Variants in RHEX observed in about 807,000 individuals in gnomAD.
RHEX encodes regulator of hemoglobinization and erythroid cell expansion.
Under a neutral mutation model 20.1 loss-of-function variants are expected in RHEX, and 18 were observed. The observed-to-expected ratio is 0.90, with a 90% confidence interval of 0.62 to 1.33. The LOEUF (loss-of-function observed/expected upper bound fraction) is 1.33. Among genes scored for constraint, RHEX ranks in the 40% most tolerant of loss-of-function variants. The probability of loss-of-function intolerance (pLI) is 0.00; values close to 1 mark genes in which losing one functional copy is unlikely to be tolerated. For synonymous variants in RHEX, 87 were observed against 77.1 expected (o/e 1.13, Z -0.67); for missense variants, 192 against 214.3 (o/e 0.90, Z 0.65).
chr1:206,059,207 C>T (rs1193480853), intron 1 of RHEX, among the ~76,000 whole-genome samples: 1 of 152,088 alleles, frequency 6.6e-6, no homozygotes, highest in African/African-American at 2.4e-5. Flanking sequence ...TCATGACTGG[C>T]ACCATGGGCA....
chr1:206,076,277 C>G (rs1374042561), intron 1 of RHEX, among the ~76,000 whole-genome samples: 1 of 152,106 alleles, frequency 6.6e-6, no homozygotes, highest in Non-Finnish European at 1.5e-5. Context: ...GCCTCACCTT[C>G]CAGAGTAGTT....
intron 1 of RHEX, among the ~76,000 whole-genome samples, chr1:206,053,799 A>G (rs1466083529): frequency 6.6e-6 from 1 of 152,230 alleles, no homozygotes; most frequent in Non-Finnish European, 1.5e-5. Flanking sequence ...ATACATAGAA[A>G]GTTACAGCTG....
intron 1 of RHEX, among the ~76,000 whole-genome samples, chr1:206,094,169 G>GGTGTGTGTGTGTGTGTGT (rs66885504): frequency 7.4e-5 from 11 of 148,574 alleles, no homozygotes; most frequent in African/African-American, 2.7e-4. Context: ...CTGGTTATTT[G>GGTGTGTGTGTGTGTGTGT]GTGTGTGTGT....
At chr1:206,081,537 G>A (rs1403112071) in intron 1 of RHEX, among the ~76,000 whole-genome samples, 1 of 152,186 alleles carries the variant, frequency 6.6e-6, no homozygotes, top group Non-Finnish European at 1.5e-5. Context: ...CTAAACTCTG[G>A]TGCATCTTAT....
At chr1:206,064,813 T>C (rs552351858) in intron 1 of RHEX, among the ~76,000 whole-genome samples, 1 of 152,052 alleles carries the variant, frequency 6.6e-6, no homozygotes, top group East Asian at 1.9e-4. Context: ...AGGATGACAA[T>C]GGCGGCTTTG....
chr1:206,096,038 C>T (rs979147364), intron 1 of RHEX, among the ~76,000 whole-genome samples: 6 of 152,092 alleles, frequency 3.9e-5, no homozygotes, highest in African/African-American at 1.4e-4. Flanking sequence ...CTATGTTACC[C>T]GGGCTGGTCT....
At chr1:206,074,621 C>T (rs1015588393) in intron 1 of RHEX, among the ~76,000 whole-genome samples, 1 of 152,100 alleles carries the variant, frequency 6.6e-6, no homozygotes. Flanking sequence ...TTTCATCACC[C>T]CTAAAGGAAA....
intron 1 of RHEX, among the ~76,000 whole-genome samples, chr1:206,062,419 C>T (rs571447585): frequency 1.4e-4 from 22 of 152,324 alleles, no homozygotes; most frequent in African/African-American, 5.3e-4. Flanking sequence ...CCTCTGAGCT[C>T]CTGCCCCTCC....
At chr1:206,101,663 T>C (rs28491603) in intron 5 of RHEX, 89 bp from the exon 6 acceptor site, 114,866 of 1,022,918 alleles carry the variant, frequency 0.11, 9,933 homozygotes, top group African/African-American at 0.41. Flanking sequence ...CATGGGCGAA[T>C]CTTGTTGAGT....
chr1:206,056,315 C>T (rs966000051), intron 1 of RHEX: 6 of 152,586 alleles, frequency 3.9e-5, no homozygotes, highest in Middle Eastern at 3.4e-3. Flanking sequence ...CAGTCACACC[C>T]GGAAGCTGAC....
chr1:206,074,262 A>G (rs1254775974), intron 1 of RHEX, among the ~76,000 whole-genome samples: 2 of 152,208 alleles, frequency 1.3e-5, no homozygotes, highest in Non-Finnish European at 2.9e-5. Flanking sequence ...TTTTATCTAA[A>G]GTCTATGTTC....
intron 1 of RHEX, among the ~76,000 whole-genome samples, chr1:206,091,932 T>C (rs1347721239): frequency 2.0e-5 from 3 of 152,214 alleles, no homozygotes; most frequent in Non-Finnish European, 1.5e-5. Context: ...ATAATAATTA[T>C]GTGTTCCTTA....
intron 1 of RHEX, among the ~76,000 whole-genome samples, chr1:206,081,029 G>A (rs75501120): frequency 0.015 from 2,230 of 151,596 alleles, 51 homozygotes; most frequent in African/African-American, 0.051. Flanking sequence ...GCAAAACCTC[G>A]TCTCTATATG....
chr1:206,066,435 G>A (rs1270870004), intron 1 of RHEX, among the ~76,000 whole-genome samples: 4 of 152,186 alleles, frequency 2.6e-5, no homozygotes, highest in African/African-American at 9.7e-5. Context: ...TGACCAACAT[G>A]GTGAAACCCT....
intron 1 of RHEX, among the ~76,000 whole-genome samples, chr1:206,057,647 G>A (rs1436628169): frequency 3.3e-5 from 5 of 152,252 alleles, no homozygotes; most frequent in African/African-American, 9.7e-5. Flanking sequence ...ACAGGTAGCT[G>A]TGTAATTGGC....
chr1:206,059,682 C>A (rs1662271055), intron 1 of RHEX, among the ~76,000 whole-genome samples: 1 of 151,770 alleles, frequency 6.6e-6, no homozygotes, highest in Non-Finnish European at 1.5e-5. Context: ...TTGCCTCAGG[C>A]AAGTGCCTTC....
At position 206,084,682 on chromosome 1, in the gene RHEX, T is replaced by C. The variant is rs145173870; in HGVS notation, c.-96-13051T>C. ...ACCTATTTTGTGAGCTTTGGCAAACTACCCAATTAAATGCCTTGAGTAGGA... is the reference window on the plus strand; with the variant it reads ...ACCTATTTTGTGAGCTTTGGCAAACCACCCAATTAAATGCCTTGAGTAGGA... On this transcript the variant is annotated intron_variant, in intron 1 of 5. Transcript: ENST00000331555. 2.6e-3 allele frequency among the ~76,000 whole-genome samples: 396 copies of C among 152,318 alleles called. 1 individual carries two copies. Among genetic ancestry groups the C allele is most frequent in the Middle Eastern group, 0.01 (3 of 294 alleles).
chr1:206,093,902 C>T (rs1553287350), intron 1 of RHEX, among the ~76,000 whole-genome samples: 1 of 152,060 alleles, frequency 6.6e-6, no homozygotes, highest in African/African-American at 2.4e-5. Flanking sequence ...TCTTCTCAAA[C>T]TCCTGGTCTC....
chr1:206,071,922 T>A (rs1662544234), intron 1 of RHEX, among the ~76,000 whole-genome samples: 1 of 152,090 alleles, frequency 6.6e-6, no homozygotes, highest in Admixed American at 6.5e-5. Flanking sequence ...ACTGATTATG[T>A]TATAAAGGAT....
Sources: gnomAD v4.1 joint callset for allele counts (sites outside exome capture counted in the v4.1 genomes callset) on GRCh38, gnomAD v4.1.1 for gene constraint, MANE v1.5 for transcripts, NCBI Gene and HGNC (gene_info 2026-07-23, HGNC 2026-07-21) for gene names.